The following CNTLN variants were observed in gnomAD, a reference collection of about 807,000 sequenced individuals.
The protein encoded by CNTLN is centlein, centrosomal protein.
CNTLN carries 212 observed loss-of-function variants against 180.0 expected under a neutral mutation model. The ratio of observed to expected loss-of-function variants is 1.18; its 90% CI spans 1.05 to 1.32. CNTLN has a LOEUF of 1.32. Ranked by LOEUF, CNTLN falls within the 40% of genes most tolerant of loss-of-function variation. CNTLN has a pLI of 0.00. For synonymous variants in CNTLN, 722 were observed against 563.1 expected (o/e 1.28, Z -3.99); for missense variants, 2,095 against 1,610.9 (o/e 1.30, Z -5.14).
At chr9:17,280,517 A>G (rs1245656287) in intron 6 of CNTLN, among the ~76,000 whole-genome samples, 2 of 152,172 alleles carry the variant, frequency 1.3e-5, no homozygotes, top group Non-Finnish European at 2.9e-5. Context: ...CACGGATTAC[A>G]TACTGATTAC....
At chr9:17,395,560 T>G (rs1173061580) in intron 15 of CNTLN, among the ~76,000 whole-genome samples, 1 of 152,126 alleles carries the variant, frequency 6.6e-6, no homozygotes, top group Non-Finnish European at 1.5e-5. Context: ...TACAAGCTGT[T>G]TAACATCCTT....
chr9:17,447,923 A>G (rs1270989093), intron 18 of CNTLN: 1 of 152,574 alleles, frequency 6.6e-6, no homozygotes, highest in African/African-American at 2.4e-5. Context: ...TCTTCTGTTC[A>G]TTTCCGGAAG....
chr9:17,209,332 A>G (rs1563882654), intron 2 of CNTLN, among the ~76,000 whole-genome samples: 1 of 152,218 alleles, frequency 6.6e-6, no homozygotes, highest in African/African-American at 2.4e-5. Flanking sequence ...TTATTGAGTC[A>G]CATATGGTCT....
intron 7 of CNTLN, chr9:17,299,241 C>CAAAAAAAAAA (rs368954391): frequency 1.1e-5 from 1 of 91,662 alleles, no homozygotes; most frequent in Non-Finnish European, 2.0e-5. Context: ...GACAACGTCT[C>CAAAAAAAAAA]AAAAAAAAAA....
intron 10 of CNTLN, among the ~76,000 whole-genome samples, chr9:17,334,162 C>A (rs377246332): frequency 1.3e-5 from 2 of 152,086 alleles, no homozygotes; most frequent in South Asian, 2.1e-4. Context: ...CAGGTTCGAG[C>A]TATTCTTCTG....
chr9:17,512,159 T>C, the CNTLN span, among the ~76,000 whole-genome samples: 1 of 152,182 alleles, frequency 6.6e-6, no homozygotes, highest in Non-Finnish European at 1.5e-5. Context: ...GTCCATTCTA[T>C]AGACCTTTCT....
intron 2 of CNTLN, among the ~76,000 whole-genome samples, chr9:17,203,255 G>A (rs1331347676): frequency 1.4e-4 from 22 of 152,022 alleles, no homozygotes; most frequent in Admixed American, 1.1e-3. Context: ...CTTTCTCTCC[G>A]GCTGCACTTA....
chr9:17,199,240 C>G (rs1242425362), intron 2 of CNTLN, among the ~76,000 whole-genome samples: 1 of 112,116 alleles, frequency 8.9e-6, no homozygotes, highest in African/African-American at 3.4e-5. Flanking sequence ...GAGACAGAGT[C>G]TTGCCCTATT....
At chr9:17,293,241 C>T (rs1817526673) in intron 6 of CNTLN, among the ~76,000 whole-genome samples, 1 of 152,236 alleles carries the variant, frequency 6.6e-6, no homozygotes, top group African/African-American at 2.4e-5. Context: ...GGGTCTCACC[C>T]AGTCTGGAGG....
rs528766454 is a variant in CNTLN, at chr9:17,465,263, T to A, written c.3531+640T>A. Among the ~76,000 whole-genome samples the A allele has an allele frequency of 9.9e-5, 15 of 150,782 alleles. No individual in the cohort carries two copies. The South Asian group carries it at 3.1e-3, about 31-fold the overall frequency. ...AATGAAAATTTAAGTATCTCTTAGG[T>A]CAAATTGATTTAAGAAAGAAACTTT... On this transcript the variant is annotated intron_variant, in intron 21 of 25. Transcript: ENST00000380647.
chr9:17,414,593 TGAAAC>T (rs976319328), intron 16 of CNTLN, among the ~76,000 whole-genome samples: 1 of 152,168 alleles, frequency 6.6e-6, no homozygotes, highest in Non-Finnish European at 1.5e-5. Context: ...TTTTGAGAAA[TGAAAC>T]ATTGTTAGGG....
intron 2 of CNTLN, among the ~76,000 whole-genome samples, chr9:17,154,915 A>G (rs1222207309): frequency 2.6e-5 from 4 of 152,134 alleles, no homozygotes; most frequent in Non-Finnish European, 5.9e-5. Flanking sequence ...TTCACAATAA[A>G]TCTTGCTGCT....
the CNTLN span, among the ~76,000 whole-genome samples, chr9:17,515,505 G>A: frequency 1.3e-5 from 2 of 152,058 alleles, no homozygotes; most frequent in South Asian, 4.2e-4. Context: ...TGGTCTAATA[G>A]GTATCCCAAA....
At chr9:17,282,886 T>C (rs1220940432) in intron 6 of CNTLN, among the ~76,000 whole-genome samples, 2 of 152,270 alleles carry the variant, frequency 1.3e-5, no homozygotes, top group East Asian at 1.9e-4. Context: ...TTGTCAAAGA[T>C]CAGATGGTTG....
intron 18 of CNTLN, among the ~76,000 whole-genome samples, chr9:17,457,056 G>T (rs1257226861): frequency 6.6e-6 from 1 of 152,056 alleles, no homozygotes; most frequent in East Asian, 1.9e-4. Context: ...TCTGCTAATT[G>T]GACTTAACAT....
chr9:17,399,309 A>AT (rs1283119320), intron 15 of CNTLN, among the ~76,000 whole-genome samples: 2 of 152,008 alleles, frequency 1.3e-5, no homozygotes, highest in African/African-American at 4.8e-5. Context: ...AGGGAAAATC[A>AT]TTTTTTTCCA....
chr9:17,351,200 G>C (rs1217675684), intron 12 of CNTLN, among the ~76,000 whole-genome samples: 5 of 152,054 alleles, frequency 3.3e-5, no homozygotes, highest in Non-Finnish European at 4.4e-5. Flanking sequence ...TTTTCCCCCT[G>C]AAATCAGCTG....
intron 12 of CNTLN, among the ~76,000 whole-genome samples, chr9:17,354,026 G>A (rs1184446497): frequency 6.6e-6 from 1 of 152,188 alleles, no homozygotes; most frequent in Non-Finnish European, 1.5e-5. Flanking sequence ...CCCCGCACTC[G>A]GAGCAGCCGA....
chr9:17,332,874 G>A, intron 10 of CNTLN, 144 bp downstream of exon 10: 1 of 422,170 alleles, frequency 2.4e-6, no homozygotes, highest in Middle Eastern at 7.5e-4. Context: ...AGTTCATCTT[G>A]TTATTAAGAT....
Sources: gnomAD v4.1 joint callset for allele counts (sites outside exome capture counted in the v4.1 genomes callset) on GRCh38, gnomAD v4.1.1 for gene constraint, MANE v1.5 for transcripts, NCBI Gene and HGNC (gene_info 2026-07-23, HGNC 2026-07-21) for gene names.